The following NUP153 variants were observed in gnomAD, a reference collection of about 807,000 sequenced individuals.
NUP153 encodes nuclear pore complex protein Nup153.
A neutral mutation model predicts 134.6 loss-of-function variants in NUP153; 27 were observed. That is an observed-to-expected ratio of 0.20 (90% confidence interval 0.15 to 0.28). NUP153 has a LOEUF of 0.28. Among genes scored for constraint, NUP153 ranks in the 10% least tolerant of loss-of-function variants. The pLI is 1.00. For missense variants in NUP153, 1,821 were observed against 1,731.3 expected (o/e 1.05, Z -0.92); for synonymous variants, 640 against 623.5 (o/e 1.03, Z -0.40).
chr6:17,637,098 T>A, intron 16 of NUP153, 55 bp downstream of exon 16: 1 of 1,481,572 alleles, frequency 6.7e-7, no homozygotes, highest in Non-Finnish European at 9.1e-7. Flanking sequence ...TAGAATAAAT[T>A]AAACTGTTCA....
At chr6:17,641,301 C>G (rs1304056324) in intron 14 of NUP153, among the ~76,000 whole-genome samples, 1 of 151,988 alleles carries the variant, frequency 6.6e-6, no homozygotes, top group Non-Finnish European at 1.5e-5. Flanking sequence ...CTTTGGGAGG[C>G]CAAGGCGGGC....
rs749372288 is a variant in NUP153 at position 17,616,617 on chromosome 6, C to A, written c.4253G>T (p.Gly1418Val). Residue 1418 changes from glycine to valine, a missense_variant, in exon 21 of 22, where the codon GGT (glycine) becomes GTT (valine). By Grantham distance (109) the Gly-to-Val change is moderately radical. Transcript: ENST00000262077. ...NNSPSGVFTF[G>V]ANSSTPAASA... is the part of the protein sequence containing the mutation. ...GGCTGCAGGTGTGCTAGAATTTGCA[C>A]CAAATGTGAACACTCCTGATGGACT... The A allele has an allele frequency of 5.6e-6, 9 of 1,614,140 alleles. No individual in the cohort carries two copies. The highest frequency in any genetic ancestry group is 6.8e-6 in the Non-Finnish European group (8 of 1,180,012).
chr6:17,691,580 C>T lies in NUP153; in HGVS notation c.112-2962G>A, dbSNP rs183061779. ...AGGAGCTGGAGACCAGCCTGGCCAACATGGCAAAACCCCGTATCTACTAAA... is the reference window on the plus strand; with the variant it reads ...AGGAGCTGGAGACCAGCCTGGCCAATATGGCAAAACCCCGTATCTACTAAA... On this transcript the variant is annotated intron_variant, in intron 1 of 21. Coordinates refer to ENST00000262077, the MANE Select transcript of NUP153 (RefSeq NM_005124.4). Among the ~76,000 whole-genome samples, 57 of 152,232 alleles carry T rather than the reference C, an allele frequency of 3.7e-4. No individual in the cohort carries two copies. In the East Asian group the frequency reaches 8.7e-3, roughly 23 times the overall value.
intron 5 of NUP153, among the ~76,000 whole-genome samples, chr6:17,669,869 C>A (rs534306891): frequency 6.6e-6 from 1 of 151,630 alleles, no homozygotes; most frequent in Non-Finnish European, 1.5e-5. Flanking sequence ...GTGAGGAGGG[C>A]GGACTGCCTG....
In NUP153 at chr6:17,680,713, C is replaced by T. The variant is rs562075718; in HGVS notation, c.335-4943G>A. On this transcript the variant is annotated intron_variant, in intron 2 of 21. Coordinates refer to ENST00000262077, the MANE Select transcript of NUP153 (RefSeq NM_005124.4). This position sits in a 1 kb window ranked among gnomAD's most constrained non-coding sequence, Gnocchi z 4.5. ...ATATATGTGATAAGGGATTAATATC[C>T]AGAACATAAAAAGTACTCCAACCCC... Among the ~76,000 whole-genome samples, 22 of 152,170 alleles carry T rather than the reference C, an allele frequency of 1.4e-4. No individual in the cohort carries two copies. The East Asian group carries it at 3.9e-3, about 27-fold the overall frequency.
intron 11 of NUP153, chr6:17,651,911 C>CTATT: frequency 1.5e-6 from 1 of 662,802 alleles, no homozygotes. Flanking sequence ...TTGGGCAATA[C>CTATT]GGTGAGACCT....
intron 11 of NUP153, among the ~76,000 whole-genome samples, chr6:17,657,211 TTAATAA>T (rs1373605085): frequency 1.3e-5 from 2 of 151,936 alleles, no homozygotes; most frequent in Non-Finnish European, 2.9e-5. Flanking sequence ...TTTATTAATA[TTAATAA>T]TATTTTGCTC....
intron 1 of NUP153, among the ~76,000 whole-genome samples, chr6:17,701,287 TGA>T (rs1157021587): frequency 1.3e-5 from 2 of 151,206 alleles, no homozygotes; most frequent in Non-Finnish European, 1.5e-5. Flanking sequence ...CCCAGCACTT[TGA>T]GAGGCCGAGG....
intron 11 of NUP153, among the ~76,000 whole-genome samples, chr6:17,655,076 C>T (rs892746972): frequency 1.7e-4 from 26 of 152,166 alleles, no homozygotes; most frequent in African/African-American, 6.0e-4. Context: ...TTCTTATATA[C>T]TGCTACATGT....
chr6:17,623,914 A>G (rs1345441482), intron 20 of NUP153, among the ~76,000 whole-genome samples: 1 of 152,202 alleles, frequency 6.6e-6, no homozygotes, highest in Non-Finnish European at 1.5e-5. Context: ...AGAGTGGAGA[A>G]AGAGAGGAGT....
intron 20 of NUP153, among the ~76,000 whole-genome samples, chr6:17,621,651 T>C (rs1764646673): frequency 6.6e-6 from 1 of 152,154 alleles, no homozygotes; most frequent in Non-Finnish European, 1.5e-5. Flanking sequence ...AAAAAACAAG[T>C]TGATCTCATA....
At position 17,706,107 on chromosome 6, in the gene NUP153, C is replaced by T; in HGVS notation, c.111+170G>A. Reference sequence around the variant, plus strand: ...CGCCGCAAGGCTGGGCCTGTCTCAGCCCACTTCCCGTCGCCACCCCCAACG... The same window carrying T: ...CGCCGCAAGGCTGGGCCTGTCTCAGTCCACTTCCCGTCGCCACCCCCAACG... On this transcript the variant is annotated intron_variant, in intron 1 of 21. Coordinates refer to ENST00000262077, the MANE Select transcript of NUP153 (RefSeq NM_005124.4). This position sits in a 1 kb window ranked among gnomAD's most constrained non-coding sequence, Gnocchi z 5.9. 1.6e-6 allele frequency: 1 copy of T among 621,348 alleles called. No individual in the cohort carries two copies. Among genetic ancestry groups the T allele is most frequent in the Non-Finnish European group, 2.8e-6 (1 of 354,044 alleles). 38.5% of individuals were successfully genotyped at this position (621,348 alleles called of 1,614,324 possible). A position where few individuals can be genotyped will look rare whatever the true frequency, so the allele number is the denominator to read the frequency against.
At chr6:17,690,857 T>C (rs919327585) in intron 1 of NUP153, among the ~76,000 whole-genome samples, 4 of 152,196 alleles carry the variant, frequency 2.6e-5, no homozygotes, top group Admixed American at 2.6e-4. Context: ...TGTGAAAAGG[T>C]AGCCGGGCGT....
intron 20 of NUP153, among the ~76,000 whole-genome samples, chr6:17,618,760 G>C (rs970567067): frequency 6.6e-6 from 1 of 152,070 alleles, no homozygotes; most frequent in Non-Finnish European, 1.5e-5. Context: ...TAGAGATGGG[G>C]TTTCACCGTG....
At chr6:17,623,170 T>A (rs1764736839) in intron 20 of NUP153, among the ~76,000 whole-genome samples, 1 of 151,516 alleles carries the variant, frequency 6.6e-6, no homozygotes, top group African/African-American at 2.4e-5. Flanking sequence ...AGGAAAATGT[T>A]ACCTGTGTGA....
At chr6:17,666,775 A>G (rs1375946904) in intron 8 of NUP153, among the ~76,000 whole-genome samples, 1 of 152,228 alleles carries the variant, frequency 6.6e-6, no homozygotes, top group East Asian at 1.9e-4. Flanking sequence ...GTATAAAACC[A>G]CTATAAAGCC....
chr6:17,652,128 T>C (rs1191974994), intron 11 of NUP153, among the ~76,000 whole-genome samples: 1 of 152,050 alleles, frequency 6.6e-6, no homozygotes, highest in East Asian at 1.9e-4. Context: ...AACCCCCATC[T>C]CTCAATAATT....
In NUP153 at chr6:17,615,861, A is replaced by G. The variant is rs879720140; in HGVS notation, c.*236T>C. On this transcript the variant is annotated 3_prime_UTR_variant, in exon 22 of 22. Transcript: ENST00000262077. The surrounding 1 kb of genome is among the most constrained non-coding windows in gnomAD (Gnocchi z 5.7). ...GTCAAATCAGTGAATAATCTGCTGG[A>G]TCATAAAATATTTTTGCTGAAGAAT... The G allele has an allele frequency of 1.1e-5, 5 of 463,248 alleles. No individual in the cohort carries two copies. In the Admixed American group the frequency reaches 1.9e-4, roughly 18 times the overall value. The allele number at this position is 463,248 out of a possible 1,614,324, so 28.7% of individuals were successfully genotyped here. A position where few individuals can be genotyped will look rare whatever the true frequency, so the allele number is the denominator to read the frequency against.
chr6:17,658,269 G>A (rs1766958123), intron 11 of NUP153, among the ~76,000 whole-genome samples: 2 of 152,194 alleles, frequency 1.3e-5, no homozygotes, highest in African/African-American at 4.8e-5. Flanking sequence ...TGTGGCACAT[G>A]CCTGTAATCA....
Sources: gnomAD v4.1 joint callset for allele counts (sites outside exome capture counted in the v4.1 genomes callset) on GRCh38, gnomAD v4.1.1 for gene constraint, Gnocchi (gnomAD v3.1) non-coding constraint, MANE v1.5 for transcripts, NCBI Gene and HGNC (gene_info 2026-07-23, HGNC 2026-07-21) for gene names.